Variants in SUPT3H observed in about 807,000 individuals in gnomAD.
The protein encoded by SUPT3H is SPT3 homolog, SAGA and STAGA complex component.
In SUPT3H, 44 loss-of-function variants were observed where a neutral mutation model predicts 44.3. That is an observed-to-expected ratio of 0.99 (90% confidence interval 0.78 to 1.28). The LOEUF is 1.28. SUPT3H is among the 50% of genes most tolerant of loss of function. SUPT3H has a pLI of 0.00. For synonymous variants in SUPT3H, 124 were observed against 125.6 expected, an observed-to-expected ratio of 0.99 and a Z score of 0.09; for missense variants, 380 against 387.1, an observed-to-expected ratio of 0.98 and a Z score of 0.15.
chr6:45,035,582 T>G (rs1175105073), intron 3 of SUPT3H, among the ~76,000 whole-genome samples: 1 of 152,168 alleles, frequency 6.6e-6, no homozygotes, highest in Non-Finnish European at 1.5e-5. Context: ...CTTCCCTACC[T>G]CCATCAATAT....
intron 7 of SUPT3H, among the ~76,000 whole-genome samples, chr6:44,959,685 G>C (rs953223685): frequency 1.3e-5 from 2 of 152,096 alleles, no homozygotes; most frequent in African/African-American, 2.4e-5. Flanking sequence ...GAAAACAAAA[G>C]ACTGAATTGT....
chr6:45,342,724 T>C (rs1391140129), intron 2 of SUPT3H, among the ~76,000 whole-genome samples: 1 of 149,968 alleles, frequency 6.7e-6, no homozygotes, highest in East Asian at 2.0e-4. Context: ...TTCAAAAATT[T>C]AGTTAATAGT....
At chr6:45,243,699 T>G (rs189004751) in intron 2 of SUPT3H, among the ~76,000 whole-genome samples, 1 of 152,172 alleles carries the variant, frequency 6.6e-6, no homozygotes, top group Non-Finnish European at 1.5e-5. Flanking sequence ...TATAAAACTT[T>G]GAAAATCTGA....
intron 2 of SUPT3H, among the ~76,000 whole-genome samples, chr6:45,216,232 ATCTGG>A (rs1195326977): frequency 7.9e-5 from 12 of 152,044 alleles, no homozygotes; most frequent in Non-Finnish European, 1.5e-4. Flanking sequence ...GGTAACTACC[ATCTGG>A]AAGTAAAAGG....
chr6:44,836,879 T>C (rs537950315), intron 10 of SUPT3H, among the ~76,000 whole-genome samples: 1 of 152,348 alleles, frequency 6.6e-6, no homozygotes, highest in South Asian at 2.1e-4. Flanking sequence ...ACATACATCT[T>C]TGTTTAATAG....
intron 2 of SUPT3H, among the ~76,000 whole-genome samples, chr6:45,211,265 T>C (rs1168436149): frequency 6.6e-6 from 1 of 152,134 alleles, no homozygotes; most frequent in Non-Finnish European, 1.5e-5. Flanking sequence ...TATCTCGATA[T>C]CCATCTCTGT....
At chr6:44,994,326 A>C (rs1180058650) in intron 6 of SUPT3H, among the ~76,000 whole-genome samples, 1 of 152,082 alleles carries the variant, frequency 6.6e-6, no homozygotes, top group African/African-American at 2.4e-5. Flanking sequence ...AAAGAAAAAG[A>C]TTTGCATTCA....
intron 8 of SUPT3H, 115 bp downstream of exon 8, chr6:44,954,380 G>T: frequency 1.3e-6 from 1 of 798,730 alleles, no homozygotes; most frequent in East Asian, 2.6e-5. Flanking sequence ...TGCCACAGGA[G>T]AGAATTCATG....
At chr6:45,045,967 TTCTA>T (rs1336041280) in intron 3 of SUPT3H, among the ~76,000 whole-genome samples, 7 of 152,174 alleles carry the variant, frequency 4.6e-5, no homozygotes, top group Non-Finnish European at 7.3e-5. Context: ...GCTTTCTATG[TTCTA>T]TCTAAGAAGT....
At chr6:45,355,567 T>G (rs937259158) in intron 2 of SUPT3H, among the ~76,000 whole-genome samples, 12 of 152,246 alleles carry the variant, frequency 7.9e-5, no homozygotes, top group Non-Finnish European at 1.2e-4. Flanking sequence ...TCATGCTACC[T>G]TAATCACTCA....
chr6:45,234,158 T>C (rs1768620213), intron 2 of SUPT3H, among the ~76,000 whole-genome samples: 2 of 152,218 alleles, frequency 1.3e-5, no homozygotes, highest in Admixed American at 6.5e-5. Context: ...TTTCATAAAA[T>C]ATATTGCTCA....
Position 45,285,462 on chromosome 6 carries a change from G to C in SUPT3H, c.101+79739C>G, listed in dbSNP as rs557365022. Among the ~76,000 whole-genome samples, 323 of 152,154 alleles carry C rather than the reference G, an allele frequency of 2.1e-3. 1 individual carries two copies. Among genetic ancestry groups the C allele is most frequent in the African/African-American group, 7.4e-3 (309 of 41,512 alleles). On this transcript the variant is annotated intron_variant, in intron 2 of 10. Transcript: ENST00000371459. ...TATACACCAATAACAGACAAACAGA[G>C]AGCCAAATCGTGAGTGAACTCCCAT...
intron 6 of SUPT3H, among the ~76,000 whole-genome samples, chr6:44,964,265 C>T (rs1452012642): frequency 6.6e-6 from 1 of 151,864 alleles, no homozygotes; most frequent in Non-Finnish European, 1.5e-5. Flanking sequence ...GAAACTAGAT[C>T]GAGAATGATT....
chr6:45,137,726 A>T (rs1289267096), intron 2 of SUPT3H, among the ~76,000 whole-genome samples: 1 of 151,966 alleles, frequency 6.6e-6, no homozygotes, highest in East Asian at 1.9e-4. Context: ...AGTAGAAACC[A>T]AGAAATAAAG....
At chr6:44,884,514 TC>T in intron 10 of SUPT3H, among the ~76,000 whole-genome samples, 1 of 152,242 alleles carries the variant, frequency 6.6e-6, no homozygotes, top group African/African-American at 2.4e-5. Context: ...TATAAATCAT[TC>T]CATTATAAAA....
intron 10 of SUPT3H, among the ~76,000 whole-genome samples, chr6:44,833,528 C>T (rs1438157468): frequency 6.6e-6 from 1 of 151,956 alleles, no homozygotes; most frequent in Admixed American, 6.6e-5. Flanking sequence ...TGCTTCTAAT[C>T]ACAATATTTA....
At chr6:45,143,697 A>G (rs1480175797) in intron 2 of SUPT3H, among the ~76,000 whole-genome samples, 1 of 152,124 alleles carries the variant, frequency 6.6e-6, no homozygotes, top group Non-Finnish European at 1.5e-5. Flanking sequence ...TAAATAACAA[A>G]GATCAGAGCA....
chr6:45,247,580 C>T (rs1389187059), intron 2 of SUPT3H, among the ~76,000 whole-genome samples: 1 of 152,038 alleles, frequency 6.6e-6, no homozygotes, highest in Non-Finnish European at 1.5e-5. Flanking sequence ...ACATGCATTA[C>T]TACAATTCAC....
chr6:45,139,664 T>G (rs192099678), intron 2 of SUPT3H, among the ~76,000 whole-genome samples: 1 of 152,148 alleles, frequency 6.6e-6, no homozygotes, highest in East Asian at 1.9e-4. Context: ...TTACCTTACG[T>G]AAAGCTGAAA....
Sources: allele counts gnomAD v4.1 joint callset (sites outside exome capture counted in the v4.1 genomes callset), GRCh38; gene constraint gnomAD v4.1.1; transcripts MANE v1.5; gene names NCBI Gene and HGNC (gene_info 2026-07-23, HGNC 2026-07-21).